Variants in DUOX1 observed in about 807,000 individuals in gnomAD.
DUOX1 encodes NADPH thyroid oxidase 1.
DUOX1 carries 134 observed loss-of-function variants against 181.8 expected under a neutral mutation model. That is an observed-to-expected ratio of 0.74 (90% CI 0.64 to 0.85). DUOX1 has a LOEUF of 0.85. Among genes scored for constraint, DUOX1 ranks in the 40% least tolerant of loss-of-function variants. The pLI, the probability that DUOX1 is intolerant of heterozygous loss-of-function variation, is 0.00. For missense variants in DUOX1, 1,814 were observed against 2,064.4 expected (o/e 0.88, Z 2.35); for synonymous variants, 798 against 832.5 (o/e 0.96, Z 0.71).
In DUOX1 at chr15:45,147,604, A is replaced by C; in HGVS notation, c.2494A>C (p.Asn832His). 1 of 1,614,176 alleles carries C rather than the reference A, an allele frequency of 6.2e-7. No individual in the cohort carries two copies. The highest frequency in any genetic ancestry group is 1.1e-5 in the South Asian group (1 of 91,070). Residue 832 changes from asparagine (N) to histidine (H), a missense_variant, in exon 19 of 34, where the codon AAT becomes CAT. Asn to His is a moderately conservative substitution (Grantham distance 68, BLOSUM62 1). This residue lies in a region of DUOX1 where 1,064 missense variants were observed against 1,152.9 expected (regional missense o/e 0.92). Coordinates refer to ENST00000389037, the MANE Select transcript of DUOX1 (RefSeq NM_175940.3). ...GTTCTCTCTGGCTGACAAGGATGGC[A>C]ATGGCTACCTGTCCTTCCGAGAGTT... ...SMFSLADKDG[N>H]GYLSFREFLD...
intron 4 of DUOX1, 38 bp from the exon 5 acceptor site, chr15:45,135,066 T>A (rs1212556717): frequency 6.3e-7 from 1 of 1,597,620 alleles, no homozygotes; most frequent in Non-Finnish European, 8.5e-7. Context: ...AAAGTGGCCC[T>A]CTGCTTGCCC....
chr15:45,134,371 A>C, intron 4 of DUOX1, 62 bp downstream of exon 4: 3 of 1,498,150 alleles, frequency 2.0e-6, no homozygotes, highest in Non-Finnish European at 2.7e-6. Context: ...TCTGCATGTG[A>C]AGAGGGGTCA....
chr15:45,163,976 G>C, intron 33 of DUOX1, 58 bp downstream of exon 33: 1 of 1,585,732 alleles, frequency 6.3e-7, no homozygotes, highest in Non-Finnish European at 8.6e-7. Context: ...TCTGAGCAAA[G>C]CTCCCAAACC....
At chr15:45,149,118 G>C (rs1405127237) in intron 21 of DUOX1, among the ~76,000 whole-genome samples, 1 of 152,162 alleles carries the variant, frequency 6.6e-6, no homozygotes, top group East Asian at 1.9e-4. Flanking sequence ...GCTCTGAGCT[G>C]TTATGGTATC....
chr15:45,159,361 G>A (rs1364342119), intron 28 of DUOX1, among the ~76,000 whole-genome samples: 5 of 152,236 alleles, frequency 3.3e-5, no homozygotes, highest in Admixed American at 1.3e-4. Flanking sequence ...GATGGAAAGC[G>A]AGTGGCCCAA....
chr15:45,145,688 G>A (rs1320148545), intron 18 of DUOX1, among the ~76,000 whole-genome samples: 2 of 152,194 alleles, frequency 1.3e-5, no homozygotes, highest in Non-Finnish European at 2.9e-5. Flanking sequence ...GGCGGGGCAG[G>A]TGGATCACTT....
chr15:45,164,632 C>CTAAT, intron 33 of DUOX1, 147 bp from the exon 34 acceptor site: 1 of 852,540 alleles, frequency 1.2e-6, no homozygotes, highest in Non-Finnish European at 1.9e-6. Flanking sequence ...CTATGCCTGG[C>CTAAT]TAATTAAAAA....
At chr15:45,131,860 G>A (rs1277723683) in intron 1 of DUOX1, 58 bp from the exon 2 acceptor site, 28 of 1,245,378 alleles carry the variant, frequency 2.2e-5, no homozygotes, top group Non-Finnish European at 3.2e-5. Context: ...GGCCTGCAGA[G>A]TCTTTCACCT....
At chr15:45,136,249 G>A in intron 7 of DUOX1, 101 bp from the exon 8 acceptor site, 1 of 1,565,332 alleles carries the variant, frequency 6.4e-7, no homozygotes, top group Non-Finnish European at 8.7e-7. Context: ...ACTGACCCTG[G>A]CTGGTCCTCA....
Position 45,147,930 on chromosome 15 carries a change from A to G in DUOX1, c.2575A>G (p.Met859Val), listed in dbSNP as rs1217065701. ...CTCTCCTGAGGAAAAGTCTCGCCTT[A>G]TGTTCCGCATGTACGACTTTGATGG... ...KGSPEEKSRL[M>V]FRMYDFDGNG... The change falls in exon 20 of 34, where the codon ATG (methionine) becomes GTG (valine). Residue 859 changes from methionine (M) to valine (V), a missense_variant. Met to Val is a conservative substitution (Grantham distance 21). Transcript: ENST00000389037. 6.2e-7 allele frequency: 1 copy of G among 1,614,154 alleles called. No individual in the cohort carries two copies. The highest frequency in any genetic ancestry group is 1.7e-5 in the Admixed American group (1 of 60,032).
At chr15:45,134,783 G>A (rs1037953264) in intron 4 of DUOX1, among the ~76,000 whole-genome samples, 8 of 152,184 alleles carry the variant, frequency 5.3e-5, no homozygotes, top group African/African-American at 1.9e-4. Flanking sequence ...TTGGTGGCTG[G>A]TCCATCAGGA....
intron 2 of DUOX1, 106 bp downstream of exon 2, chr15:45,132,130 C>A: frequency 1.0e-6 from 1 of 995,560 alleles, no homozygotes; most frequent in Non-Finnish European, 1.5e-6. Context: ...TATCTTTAGT[C>A]TCTAGCTGAC....
chr15:45,151,261 T>C lies in DUOX1; in HGVS notation c.3014+13T>C. The stretch of plus-strand genomic sequence containing the variant: ...GGTTTGGCAAGAAGTATGTCTGCTC[T>C]TCCCCTTAAGCCCAGGCAGTTCATC... On this transcript the variant is annotated intron_variant, in intron 23 of 33. Transcript: ENST00000389037. 1 of 1,612,880 alleles carries C rather than the reference T, an allele frequency of 6.2e-7. No homozygotes were observed. The highest frequency in any genetic ancestry group is 8.5e-7 in the Non-Finnish European group (1 of 1,179,348).
At chr15:45,152,082 TC>T in intron 24 of DUOX1, 30 bp downstream of exon 24, 1 of 1,606,970 alleles carries the variant, frequency 6.2e-7, no homozygotes, top group Non-Finnish European at 8.5e-7. Context: ...ACGAGCCCTG[TC>T]CCTAGGCTTG....
chr15:45,159,881 GCGGTGGCTCACA>G (rs770809998), intron 28 of DUOX1, among the ~76,000 whole-genome samples: 3 of 152,180 alleles, frequency 2.0e-5, no homozygotes, highest in Non-Finnish European at 4.4e-5. Flanking sequence ...TTGGCCGCGC[GCGGTGGCTCACA>G]CCTGTAATCT....
intron 9 of DUOX1, among the ~76,000 whole-genome samples, chr15:45,136,826 T>G (rs8042589): frequency 0.02 from 3,014 of 151,842 alleles, 98 homozygotes; most frequent in African/African-American, 0.07. Context: ...ATTCTCCTGC[T>G]GCTGGTGTAG....
At chr15:45,131,773 A>T in intron 1 of DUOX1, 145 bp from the exon 2 acceptor site, 1 of 613,638 alleles carries the variant, frequency 1.6e-6, no homozygotes, top group South Asian at 2.0e-5. Flanking sequence ...CAATTAAAGA[A>T]TTTTCGGAAA....
chr15:45,155,637 A>C, intron 27 of DUOX1, 165 bp from the exon 28 acceptor site: 1 of 854,628 alleles, frequency 1.2e-6, no homozygotes, highest in Non-Finnish European at 1.8e-6. Flanking sequence ...GCTGAAATGA[A>C]AGGTACCTGT....
intron 7 of DUOX1, 58 bp from the exon 8 acceptor site, chr15:45,136,292 C>A (rs1334152270): frequency 1.2e-6 from 2 of 1,610,888 alleles, no homozygotes; most frequent in African/African-American, 2.7e-5. Context: ...GGGCTCAGAC[C>A]CTTCCAGGTC....
Sources: allele counts gnomAD v4.1 joint callset (sites outside exome capture counted in the v4.1 genomes callset), GRCh38; gene constraint gnomAD v4.1.1; regional missense constraint gnomAD v4.1.1; transcripts MANE v1.5; gene names NCBI Gene and HGNC (gene_info 2026-07-23, HGNC 2026-07-21).